CRACD: variants seen among roughly 807,000 people sequenced by gnomAD.
CRACD encodes the protein capping protein-inhibiting regulator of actin dynamics.
In CRACD, 56 loss-of-function variants were observed where a neutral mutation model predicts 106.8. The observed-to-expected ratio is 0.52, with a 90% CI of 0.42 to 0.66. The LOEUF (loss-of-function observed/expected upper bound fraction) is 0.66, where lower values mean the gene tolerates loss of function less well. CRACD is among the 30% of genes least tolerant of loss of function. CRACD has a pLI of 0.00. For synonymous variants in CRACD, 754 were observed against 670.8 expected, an observed-to-expected ratio of 1.12 and a Z score of -1.92; for missense variants, 1,730 against 1,623.2, an observed-to-expected ratio of 1.07 and a Z score of -1.13.
At chr4:56,162,045 C>T (rs1577702962) in intron 1 of CRACD, among the ~76,000 whole-genome samples, 1 of 152,068 alleles carries the variant, frequency 6.6e-6, no homozygotes, top group Admixed American at 6.6e-5. Context: ...TGCTTTGGCA[C>T]CATTCCGCTT....
At chr4:56,168,560 G>A (rs1736240125) in intron 1 of CRACD, among the ~76,000 whole-genome samples, 1 of 150,896 alleles carries the variant, frequency 6.6e-6, no homozygotes, top group Admixed American at 6.6e-5. Flanking sequence ...GAGTCTCATT[G>A]AAAAAAATAA....
At chr4:56,304,779 C>G (rs1744582495) in intron 4 of CRACD, among the ~76,000 whole-genome samples, 1 of 151,696 alleles carries the variant, frequency 6.6e-6, no homozygotes, top group South Asian at 2.1e-4. Flanking sequence ...GAGACCCCAA[C>G]TCTAAAAAAA....
At chr4:56,132,136 C>T (rs2109866432) in intron 1 of CRACD, among the ~76,000 whole-genome samples, 2 of 152,230 alleles carry the variant, frequency 1.3e-5, no homozygotes, top group East Asian at 3.9e-4. Context: ...CTTTACCTTC[C>T]AGGCTCAAGC....
intron 1 of CRACD, among the ~76,000 whole-genome samples, chr4:56,177,667 A>T (rs1340753061): frequency 2.6e-5 from 4 of 152,082 alleles, no homozygotes; most frequent in Admixed American, 6.6e-5. Context: ...CTAATGAGAG[A>T]CTTTTTATTG....
chr4:56,217,526 A>G (rs895808064), intron 2 of CRACD, among the ~76,000 whole-genome samples: 8 of 152,312 alleles, frequency 5.3e-5, no homozygotes, highest in East Asian at 3.9e-4. Flanking sequence ...CCTGGAATCA[A>G]TAGAAGGGAG....
intron 2 of CRACD, among the ~76,000 whole-genome samples, chr4:56,239,678 A>G (rs1740243992): frequency 6.6e-6 from 1 of 152,190 alleles, no homozygotes; most frequent in African/African-American, 2.4e-5. Flanking sequence ...GTCTAAATCT[A>G]GAAATAGGAT....
chr4:56,303,573 C>T (rs913137403), intron 4 of CRACD, among the ~76,000 whole-genome samples: 3 of 152,196 alleles, frequency 2.0e-5, no homozygotes, highest in Non-Finnish European at 2.9e-5. Context: ...TCACATGACA[C>T]CTGAGATTGT....
At chr4:56,261,087 A>G (rs545183444) in intron 2 of CRACD, among the ~76,000 whole-genome samples, 1 of 152,196 alleles carries the variant, frequency 6.6e-6, no homozygotes, top group African/African-American at 2.4e-5. Context: ...CATGATTTTA[A>G]TGTGTTCAGC....
At chr4:56,222,078 A>G (rs1739070272) in intron 2 of CRACD, among the ~76,000 whole-genome samples, 1 of 152,360 alleles carries the variant, frequency 6.6e-6, no homozygotes, top group Non-Finnish European at 1.5e-5. Context: ...TATCAAAATG[A>G]TGCCTGCACG....
intron 1 of CRACD, among the ~76,000 whole-genome samples, chr4:56,053,748 T>A (rs1731952902): frequency 6.6e-6 from 1 of 152,246 alleles, no homozygotes; most frequent in Admixed American, 6.5e-5. Flanking sequence ...GTTAGTGTTT[T>A]CAAAGCTGAC....
At chr4:56,136,325 A>G (rs909956904) in intron 1 of CRACD, among the ~76,000 whole-genome samples, 1 of 152,162 alleles carries the variant, frequency 6.6e-6, no homozygotes, top group Non-Finnish European at 1.5e-5. Flanking sequence ...TAAGGTTTTA[A>G]AAAACTGATA....
chr4:56,151,739 AC>A (rs1735586622), intron 1 of CRACD, among the ~76,000 whole-genome samples: 1 of 151,428 alleles, frequency 6.6e-6, no homozygotes, highest in Admixed American at 6.6e-5. Flanking sequence ...CCATTCCTCA[AC>A]CCTTCTTTGA....
chr4:56,309,777 C>T (rs1745005578), intron 5 of CRACD, among the ~76,000 whole-genome samples: 1 of 152,110 alleles, frequency 6.6e-6, no homozygotes, highest in Admixed American at 6.5e-5. Flanking sequence ...TAGCTTGAAG[C>T]CAGGAGGCAG....
At chr4:56,198,041 A>G (rs914909325) in intron 2 of CRACD, among the ~76,000 whole-genome samples, 1 of 152,082 alleles carries the variant, frequency 6.6e-6, no homozygotes, top group Non-Finnish European at 1.5e-5. Flanking sequence ...TTCTTCGACT[A>G]CATTATTTCT....
chr4:56,238,384 C>T (rs1434769485), intron 2 of CRACD, among the ~76,000 whole-genome samples: 1 of 152,212 alleles, frequency 6.6e-6, no homozygotes, highest in Non-Finnish European at 1.5e-5. Flanking sequence ...TCTTACATGG[C>T]CACTTAGGGC....
At chr4:56,151,075 C>A (rs536479352) in intron 1 of CRACD, among the ~76,000 whole-genome samples, 88 of 152,200 alleles carry the variant, frequency 5.8e-4, no homozygotes, top group Non-Finnish European at 1.2e-3. Context: ...CGGCTCACTG[C>A]AACTTCTGCC....
At chr4:56,080,981 G>A (rs1489655416) in intron 1 of CRACD, among the ~76,000 whole-genome samples, 2 of 151,942 alleles carry the variant, frequency 1.3e-5, no homozygotes, top group Admixed American at 1.3e-4. Flanking sequence ...TTGTACCTTA[G>A]ATTAAATGAA....
chr4:56,145,872 C>A (rs1735361024), intron 1 of CRACD, among the ~76,000 whole-genome samples: 1 of 152,152 alleles, frequency 6.6e-6, no homozygotes, highest in Non-Finnish European at 1.5e-5. Context: ...GATCTGCCCG[C>A]CTTGGCCTCC....
At chr4:56,293,107 A>G (rs1743790853) in intron 3 of CRACD, among the ~76,000 whole-genome samples, 1 of 152,212 alleles carries the variant, frequency 6.6e-6, no homozygotes, top group Non-Finnish European at 1.5e-5. Context: ...TTGGACTTAA[A>G]GAGAAAATTA....
Sources: allele counts gnomAD v4.1 joint callset (sites outside exome capture counted in the v4.1 genomes callset), GRCh38; gene constraint gnomAD v4.1.1; transcripts MANE v1.5; gene names NCBI Gene and HGNC (gene_info 2026-07-23, HGNC 2026-07-21).